Variants in SMPD4 observed in about 807,000 individuals in gnomAD.
SMPD4 encodes the protein sphingomyelin phosphodiesterase 4, also known as neutral sphingomyelinase 3.
Under a neutral mutation model 97.8 loss-of-function variants are expected in SMPD4, and 58 were observed. That is an observed-to-expected ratio of 0.59 (90% CI 0.48 to 0.74). SMPD4 has a LOEUF of 0.74. SMPD4 is among the 30% of genes least tolerant of loss of function. The probability of loss-of-function intolerance (pLI) is 0.00; values close to 1 mark genes in which losing one functional copy is unlikely to be tolerated. For synonymous variants in SMPD4, 388 were observed against 450.0 expected (o/e 0.86, Z 1.74); for missense variants, 853 against 1,080.5 (o/e 0.79, Z 2.95).
In SMPD4 at chr2:130,172,519, T is replaced by C. The variant is rs757158832; in HGVS notation, c.508-19A>G. 2 of 1,612,020 alleles carry C rather than the reference T, an allele frequency of 1.2e-6. No homozygotes were observed. The highest frequency in any genetic ancestry group is 2.2e-5 in the South Asian group (2 of 90,958). On this transcript the variant is annotated intron_variant, in intron 7 of 19. Transcript: ENST00000680298. Reference sequence around the variant, plus strand: ...GAAGTGGCTGGAAAACCAAGCTAGTTGTTAGCATGGGCTCTGGACACTGCC... The same window carrying C: ...GAAGTGGCTGGAAAACCAAGCTAGTCGTTAGCATGGGCTCTGGACACTGCC...
chr2:130,153,604 G>A, intron 17 of SMPD4, 98 bp downstream of exon 17: 1 of 1,549,922 alleles, frequency 6.5e-7, no homozygotes, highest in Non-Finnish European at 8.8e-7. Flanking sequence ...ATATGTGTGG[G>A]GCCTGGGACT....
chr2:130,170,385 T>C (rs1209919506), intron 8 of SMPD4, among the ~76,000 whole-genome samples: 1 of 142,760 alleles, frequency 7.0e-6, no homozygotes, highest in Non-Finnish European at 1.5e-5. Context: ...TACTTGGGAC[T>C]GAGCCAGGAG....
chr2:130,156,164 C>T (rs372858445), intron 13 of SMPD4, 29 bp from the exon 14 acceptor site: 16 of 1,580,856 alleles, frequency 1.0e-5, no homozygotes, highest in Middle Eastern at 4.5e-4. Flanking sequence ...CTAAGGGCTC[C>T]GTGGCTGGGG....
Position 130,156,080 on chromosome 2 carries a change from T to C in SMPD4, c.1244A>G (p.Gln415Arg). 6.2e-7 allele frequency: 1 copy of C among 1,611,408 alleles called. No homozygotes were observed. Among genetic ancestry groups the C allele is most frequent in the Non-Finnish European group, 8.5e-7 (1 of 1,179,920 alleles). The change falls in exon 14 of 20, where the codon CAG (glutamine) becomes CGG (arginine). Residue 415 changes from glutamine (Q) to arginine (R), a missense_variant. Gln to Arg is a conservative substitution (Grantham distance 43). This residue lies in a region of SMPD4 where 511 missense variants were observed against 608.1 expected (regional missense o/e 0.84). Transcript: ENST00000680298. The part of the protein sequence containing the change: ...LQPWRYAPDK[Q>R]APGSDSQPRC... ...GGGCTGGGAGTCGCTGCCCGGAGCC[T>C]GCTTGTCAGGCGCGTACCGCCACGG...
At chr2:130,175,298 T>A (rs1323517356) in intron 2 of SMPD4, among the ~76,000 whole-genome samples, 1 of 152,052 alleles carries the variant, frequency 6.6e-6, no homozygotes, top group African/African-American at 2.4e-5. Flanking sequence ...TAGGGGTTGG[T>A]CCCAGAGTCA....
intron 8 of SMPD4, among the ~76,000 whole-genome samples, chr2:130,170,576 G>A (rs1688357989): frequency 1.3e-5 from 2 of 151,780 alleles, no homozygotes; most frequent in African/African-American, 4.8e-5. Context: ...GAGCAGCCTG[G>A]GCAACATAGC....
At chr2:130,169,276 A>G (rs1344290759) in intron 8 of SMPD4, among the ~76,000 whole-genome samples, 1 of 152,220 alleles carries the variant, frequency 6.6e-6, no homozygotes, top group Non-Finnish European at 1.5e-5. Flanking sequence ...AGGGGACTAG[A>G]AATATCACTA....
At chr2:130,179,088 C>T (rs1399837429) in intron 1 of SMPD4, among the ~76,000 whole-genome samples, 4 of 150,144 alleles carry the variant, frequency 2.7e-5, no homozygotes, top group African/African-American at 7.3e-5. Flanking sequence ...CTCTGCCTCT[C>T]GGCAATAGGA....
chr2:130,172,647 G>C lies in SMPD4; in HGVS notation c.485C>G (p.Ala162Gly). Residue 162 changes from alanine (A) to glycine (G), a missense_variant, in exon 7 of 20, where the codon GCC becomes GGC. Ala to Gly is a moderately conservative substitution (Grantham distance 60). Transcript: ENST00000680298. ...TACCTTCTGAGTGATGAGGCTCAAG[G>C]CAAAGAAGAATATGTAATACTCGAA... ...NPFEYYIFFF[A>G]LSLITQKPLP... 6.2e-7 allele frequency: 1 copy of C among 1,614,192 alleles called. No individual in the cohort carries two copies. The highest frequency in any genetic ancestry group is 1.1e-5 in the South Asian group (1 of 91,078).
intron 14 of SMPD4, 105 bp downstream of exon 14, chr2:130,155,930 G>C: frequency 8.4e-7 from 1 of 1,186,440 alleles, no homozygotes; most frequent in Non-Finnish European, 1.2e-6. Context: ...CGGGGGCCAG[G>C]GCCAGGCTGA....
intron 9 of SMPD4, among the ~76,000 whole-genome samples, chr2:130,166,503 C>G (rs949893684): frequency 2.6e-5 from 4 of 152,066 alleles, no homozygotes; most frequent in Non-Finnish European, 2.9e-5. Flanking sequence ...ACCATTCCAC[C>G]CTGCGAGGAT....
At chr2:130,168,332 GA>G (rs1408709057) in intron 8 of SMPD4, among the ~76,000 whole-genome samples, 1 of 152,154 alleles carries the variant, frequency 6.6e-6, no homozygotes, top group African/African-American at 2.4e-5. Flanking sequence ...GTTGAGACAG[GA>G]GGATCACTTG....
At chr2:130,155,975 C>T (rs1041710381) in intron 14 of SMPD4, 60 bp downstream of exon 14, 66 of 1,556,332 alleles carry the variant, frequency 4.2e-5, no homozygotes, top group Non-Finnish European at 5.5e-5. Flanking sequence ...CCTCCACCCA[C>T]TGGAACAATA....
chr2:130,158,581 G>A (rs745918731), intron 11 of SMPD4, among the ~76,000 whole-genome samples: 1 of 152,162 alleles, frequency 6.6e-6, no homozygotes, highest in Non-Finnish European at 1.5e-5. Context: ...GTCCAGCCTA[G>A]GCCAAACTTT....
In SMPD4 at chr2:130,176,675, C is replaced by T. The variant is rs930059304; in HGVS notation, c.-45-38G>A. 2.7e-6 allele frequency: 4 copies of T among 1,493,944 alleles called. No individual in the cohort carries two copies. The African/African-American group carries it at 5.6e-5, about 21-fold the overall frequency. The allele number at this position is 1,493,944 out of a possible 1,614,324, so 92.5% of individuals were successfully genotyped here. On this transcript the variant is annotated intron_variant, in intron 1 of 19. Coordinates refer to ENST00000680298, the MANE Select transcript of SMPD4 (RefSeq NM_017951.5). ...AAAGACAAAATCTCAACATCTGTAACACAGCAGAATCTTTTTATATTATTT... is the reference window on the plus strand; with the variant it reads ...AAAGACAAAATCTCAACATCTGTAATACAGCAGAATCTTTTTATATTATTT...
chr2:130,174,867 C>T (rs370831710), intron 3 of SMPD4, 47 bp downstream of exon 3: 16 of 1,385,720 alleles, frequency 1.2e-5, no homozygotes, highest in South Asian at 3.5e-5. Context: ...AGTTCTTCAA[C>T]GAATGTATAA....
intron 11 of SMPD4, chr2:130,157,955 T>C (rs376263981): frequency 9.2e-6 from 2 of 218,420 alleles, no homozygotes; most frequent in African/African-American, 2.3e-5. Context: ...CTAGACAACA[T>C]AGGGACACCC....
intron 13 of SMPD4, 141 bp from the exon 14 acceptor site, chr2:130,156,276 CTG>C: frequency 1.3e-6 from 1 of 776,732 alleles, no homozygotes; most frequent in Non-Finnish European, 2.1e-6. Context: ...ATGCACAGCC[CTG>C]TGAGGTTTGG....
At chr2:130,179,781 A>G (rs1277360462) in intron 1 of SMPD4, among the ~76,000 whole-genome samples, 1 of 152,002 alleles carries the variant, frequency 6.6e-6, no homozygotes, top group East Asian at 1.9e-4. Context: ...CAGCCTCCCG[A>G]GTAGCTGGAA....
Sources: allele counts gnomAD v4.1 joint callset (sites outside exome capture counted in the v4.1 genomes callset), GRCh38; gene constraint gnomAD v4.1.1; regional missense constraint gnomAD v4.1.1; transcripts MANE v1.5; gene names NCBI Gene and HGNC (gene_info 2026-07-23, HGNC 2026-07-21).